The following NFYA variants were observed in gnomAD, a reference collection of about 807,000 sequenced individuals.
NFYA encodes CAAT-box DNA binding protein subunit A.
Under a neutral mutation model 52.8 loss-of-function variants are expected in NFYA, and 28 were observed. The ratio of observed to expected loss-of-function variants is 0.53; its 90% CI spans 0.39 to 0.73. The LOEUF is 0.73. NFYA is among the 30% of genes least tolerant of loss of function. The pLI, the probability that NFYA is intolerant of heterozygous loss-of-function variation, is 0.00. For synonymous variants in NFYA, 150 were observed against 150.7 expected, an observed-to-expected ratio of 1.00 and a Z score of 0.03; for missense variants, 234 against 427.0, an observed-to-expected ratio of 0.55 and a Z score of 3.98.
chr6:41,077,845 C>T (rs1282521915), intron 1 of NFYA, among the ~76,000 whole-genome samples: 1 of 152,188 alleles, frequency 6.6e-6, no homozygotes, highest in Non-Finnish European at 1.5e-5. Flanking sequence ...CACAAGTCCT[C>T]TTGCTGTGAT....
intron 9 of NFYA, among the ~76,000 whole-genome samples, chr6:41,096,927 G>T (rs769262983): frequency 6.6e-6 from 1 of 152,194 alleles, no homozygotes; most frequent in Non-Finnish European, 1.5e-5. Flanking sequence ...AAAGTGTATA[G>T]ATTCTAATGA....
rs1033038208 is a variant in NFYA at position 41,100,956 on chromosome 6, A to G, written c.*3546A>G. 2.6e-5 allele frequency: 4 copies of G among 152,256 alleles called. No individual in the cohort carries two copies. Among genetic ancestry groups the G allele is most frequent in the African/African-American group, 9.6e-5 (4 of 41,472 alleles). The allele number at this position is 152,256 out of a possible 1,614,324, so 9.4% of individuals were successfully genotyped here. A position where few individuals can be genotyped will look rare whatever the true frequency, so the allele number is the denominator to read the frequency against. ...GATTGATCGGCGGCAGGCCTCCAATAGAGCCTGCTAGGCGGATTGGCTGCT... is the reference window on the plus strand; with the variant it reads ...GATTGATCGGCGGCAGGCCTCCAATGGAGCCTGCTAGGCGGATTGGCTGCT... On this transcript the variant is annotated 3_prime_UTR_variant, in exon 10 of 10. Coordinates refer to ENST00000341376, the MANE Select transcript of NFYA (RefSeq NM_002505.5).
At chr6:41,090,602 A>G (rs200200964) in intron 6 of NFYA, among the ~76,000 whole-genome samples, 1 of 152,184 alleles carries the variant, frequency 6.6e-6, no homozygotes, top group East Asian at 1.9e-4. Context: ...TTCATTGGTA[A>G]AGAGAGAAAT....
At chr6:41,079,378 A>G (rs1049892735) in intron 2 of NFYA, among the ~76,000 whole-genome samples, 10 of 152,166 alleles carry the variant, frequency 6.6e-5, no homozygotes, top group Admixed American at 4.6e-4. Context: ...TGCCTCTTTT[A>G]TCTCATTTTA....
At chr6:41,081,351 A>G (rs1042953527) in intron 3 of NFYA, among the ~76,000 whole-genome samples, 6 of 152,248 alleles carry the variant, frequency 3.9e-5, no homozygotes, top group Middle Eastern at 3.4e-3. Flanking sequence ...TTAGCCGGGC[A>G]TGGTGGCGGG....
In NFYA at chr6:41,090,432, AAAG is replaced by A. The variant is rs1764169448; in HGVS notation, c.547+125_547+127del. On this transcript the variant is annotated intron_variant, in intron 6 of 9. Transcript: ENST00000341376. ...TACATATTTTTTGGACAAAAAAAAA[AAAG>A]ATTTCCTCTAGCTCTCCATTGATTG... is the stretch of plus-strand genomic sequence containing the variant. 6 of 586,966 alleles carry A rather than the reference AAAG, an allele frequency of 1.0e-5. No individual in the cohort carries two copies. The South Asian group carries it at 1.3e-4, about 13-fold the overall frequency. The allele number at this position is 586,966 out of a possible 1,614,324, so 36.4% of individuals were successfully genotyped here. A position where few individuals can be genotyped will look rare whatever the true frequency, so the allele number is the denominator to read the frequency against.
At chr6:41,087,972 G>A (rs1440914941) in intron 4 of NFYA, among the ~76,000 whole-genome samples, 2 of 152,112 alleles carry the variant, frequency 1.3e-5, no homozygotes, top group Non-Finnish European at 2.9e-5. Context: ...GGACCAAATA[G>A]GAGATACAAA....
intron 4 of NFYA, 107 bp downstream of exon 4, chr6:41,084,299 C>T: frequency 7.7e-7 from 1 of 1,304,712 alleles, no homozygotes. Flanking sequence ...TGCTTCCTAA[C>T]CCACATTTTG....
intron 3 of NFYA, among the ~76,000 whole-genome samples, chr6:41,081,573 A>T (rs1390393558): frequency 6.6e-6 from 1 of 152,224 alleles, no homozygotes; most frequent in African/African-American, 2.4e-5. Flanking sequence ...TTGTGTTACA[A>T]TGGAGAAGGA....
chr6:41,091,795 G>A (rs1764202888), intron 7 of NFYA, 101 bp downstream of exon 7: 18 of 1,290,400 alleles, frequency 1.4e-5, no homozygotes, highest in South Asian at 4.2e-5. Context: ...GATTGAGATC[G>A]ATCCTTAAGG....
At chr6:41,097,210 C>A in intron 9 of NFYA, 147 bp from the exon 10 acceptor site, 1 of 687,310 alleles carries the variant, frequency 1.5e-6, no homozygotes. Flanking sequence ...ACACTTTAAG[C>A]CATGTATGCA....
chr6:41,073,220 C>A (rs964161169), intron 1 of NFYA, 136 bp downstream of exon 1: 3 of 151,478 alleles, frequency 2.0e-5, no homozygotes, highest in African/African-American at 4.8e-5. Context: ...CCGAGCCGGG[C>A]GGCCAGCGGC....
At chr6:41,089,810 G>T in intron 5 of NFYA, 100 bp downstream of exon 5, 1 of 1,468,316 alleles carries the variant, frequency 6.8e-7, no homozygotes, top group South Asian at 1.4e-5. Flanking sequence ...TAGAAAAGGG[G>T]ATGAAAACCA....
chr6:41,087,316 A>G (rs746144149), intron 4 of NFYA, among the ~76,000 whole-genome samples: 22 of 152,238 alleles, frequency 1.4e-4, no homozygotes, highest in Non-Finnish European at 2.2e-4. Context: ...GGATCCATGA[A>G]TGTCTCTAAG....
chr6:41,094,496 A>C lies in NFYA; in HGVS notation c.989A>C (p.Gln330Pro). The change falls in exon 9 of 10, where the codon CAG becomes CCG. Residue 330 changes from glutamine to proline, a missense_variant and splice_region_variant. Around this residue, in one of 3 missense-constraint regions of NFYA, gnomAD observed 35 missense variants for 34.2 expected, o/e 1.02. Transcript: ENST00000341376. ...AAGGAAAAGGATAGTCCCCATATGC[A>C]GGTAGGAAGACATATACATTTTATT... ...SPKEKDSPHM[Q>P]DPNQADEEAM... The C allele has an allele frequency of 6.2e-7, 1 of 1,610,868 alleles. No individual in the cohort carries two copies. Among genetic ancestry groups the C allele is most frequent in the Non-Finnish European group, 8.5e-7 (1 of 1,176,970 alleles).
At position 41,098,467 on chromosome 6, in the gene NFYA, A is replaced by C. The variant is rs1324593770; in HGVS notation, c.*1057A>C. ...GGATGGATACCTGGAATGGATCATT[A>C]AGATGAAGAGAGTAATTCACATTTA... On this transcript the variant is annotated 3_prime_UTR_variant, in exon 10 of 10. Coordinates refer to ENST00000341376, the MANE Select transcript of NFYA (RefSeq NM_002505.5). The C allele has an allele frequency of 2.6e-5, 4 of 152,356 alleles. 1 individual carries two copies. In the South Asian group the frequency reaches 6.2e-4, roughly 24 times the overall value. The allele number at this position is 152,356 out of a possible 1,614,324, so 9.4% of individuals were successfully genotyped here. A position where few individuals can be genotyped will look rare whatever the true frequency, so the allele number is the denominator to read the frequency against.
intron 4 of NFYA, among the ~76,000 whole-genome samples, chr6:41,084,968 AAG>A (rs1025960993): frequency 2.6e-5 from 4 of 152,248 alleles, no homozygotes; most frequent in Non-Finnish European, 4.4e-5. Flanking sequence ...CTCAAAAAAA[AAG>A]AAGAGATTAA....
intron 5 of NFYA, 73 bp from the exon 6 acceptor site, chr6:41,090,131 T>C (rs1311756000): frequency 2.9e-6 from 3 of 1,038,502 alleles, no homozygotes; most frequent in Non-Finnish European, 2.9e-6. Flanking sequence ...TAATTTTTTT[T>C]TTTAAGGACT....
chr6:41,095,172 AC>A (rs1436440051), intron 9 of NFYA, among the ~76,000 whole-genome samples: 1 of 151,994 alleles, frequency 6.6e-6, no homozygotes, highest in Non-Finnish European at 1.5e-5. Context: ...TTCAACCCCT[AC>A]CCTTTCCCAT....
Sources: gnomAD v4.1 joint callset for allele counts (sites outside exome capture counted in the v4.1 genomes callset) on GRCh38, gnomAD v4.1.1 for gene constraint, gnomAD v4.1.1 regional missense constraint, MANE v1.5 for transcripts, NCBI Gene and HGNC (gene_info 2026-07-23, HGNC 2026-07-21) for gene names.